The following ESYT1 variants were observed in gnomAD, a reference collection of about 807,000 sequenced individuals.
The protein encoded by ESYT1 is extended synaptotagmin-1.
A neutral mutation model predicts 154.2 loss-of-function variants in ESYT1; 116 were observed. That is an observed-to-expected ratio of 0.75 (90% CI 0.65 to 0.88). ESYT1 has a LOEUF of 0.88. ESYT1 is among the 40% of genes least tolerant of loss of function. The pLI is 0.00. For missense variants in ESYT1, 1,264 were observed against 1,379.3 expected (o/e 0.92, Z 1.32); for synonymous variants, 500 against 539.9 (o/e 0.93, Z 1.02).
intron 21 of ESYT1, 51 bp from the exon 22 acceptor site, chr12:56,138,353 A>C: frequency 6.2e-7 from 1 of 1,611,722 alleles, no homozygotes; most frequent in South Asian, 1.1e-5. Flanking sequence ...GGCACATGCC[A>C]GAACCCAAGG....
At position 56,131,394 on chromosome 12, in the gene ESYT1, G is replaced by A. The variant is rs915244294; in HGVS notation, c.714+78G>A. 3.6e-5 allele frequency: 58 copies of A among 1,610,368 alleles called. 2 individuals are homozygous for A. In the South Asian group the frequency reaches 6.4e-4, roughly 18 times the overall value. On this transcript the variant is annotated intron_variant, in intron 5 of 30. Coordinates refer to ENST00000394048, the MANE Select transcript of ESYT1 (RefSeq NM_015292.3). ...TGGGATATGGGGAAGTGTGAGGTTG[G>A]AAAGACCAAGGCTGAGAAAGTCTGG...
At chr12:56,143,203 C>T (rs745682583) in intron 28 of ESYT1, 25 bp from the exon 29 acceptor site, 3 of 1,614,102 alleles carry the variant, frequency 1.9e-6, no homozygotes, top group South Asian at 1.1e-5. Flanking sequence ...GGACTCCTGG[C>T]CCCTAACATC....
intron 13 of ESYT1, 118 bp downstream of exon 13, chr12:56,133,991 T>G: frequency 6.5e-7 from 1 of 1,532,864 alleles, no homozygotes; most frequent in Non-Finnish European, 9.0e-7. Context: ...AACATAAGGG[T>G]CCCAGGGAGG....
Position 56,144,145 on chromosome 12 carries a change from A to G in ESYT1, c.*283A>G. On this transcript the variant is annotated 3_prime_UTR_variant, in exon 31 of 31. Transcript: ENST00000394048. ...TGTTCTCCCTTCCTCCCAACTCCTC[A>G]GGGCCTTCTGTATCTGTGCCTGGCC... The G allele has an allele frequency of 7.3e-7, 1 of 1,368,334 alleles. No individual in the cohort carries two copies. The highest frequency in any genetic ancestry group is 9.4e-7 in the Non-Finnish European group (1 of 1,059,356). The allele number at this position is 1,368,334 out of a possible 1,614,324, so 84.8% of individuals were successfully genotyped here.
intron 16 of ESYT1, 141 bp downstream of exon 16, chr12:56,137,034 ATCTGAC>A (rs1870487303): frequency 7.7e-7 from 1 of 1,303,146 alleles, no homozygotes; most frequent in Non-Finnish European, 1.1e-6. Flanking sequence ...ACATATATTG[ATCTGAC>A]TGGTGGAAGG....
At chr12:56,133,381 C>T in intron 10 of ESYT1, 36 bp from the exon 11 acceptor site, 1 of 1,613,824 alleles carries the variant, frequency 6.2e-7, no homozygotes, top group African/African-American at 1.3e-5. Flanking sequence ...CTACCCTTTT[C>T]TTCCTTTCAC....
At chr12:56,141,599 G>A (rs1870695402) in intron 24 of ESYT1, among the ~76,000 whole-genome samples, 1 of 152,188 alleles carries the variant, frequency 6.6e-6, no homozygotes, top group Admixed American at 6.5e-5. Context: ...AATTAGCCGG[G>A]TGTGGTGGCG....
chr12:56,137,471 A>G lies in ESYT1; in HGVS notation c.1939-28A>G, dbSNP rs555948034. 38 of 1,608,694 alleles carry G rather than the reference A, an allele frequency of 2.4e-5. No individual in the cohort carries two copies. The South Asian group carries it at 4.1e-4, about 17-fold the overall frequency. Reference sequence around the variant, plus strand: ...TCTGACAGGTCTCTCTCCCTTTGCCATCTGGCACCCCCCCGTCCCTTTTGC... The same window carrying G: ...TCTGACAGGTCTCTCTCCCTTTGCCGTCTGGCACCCCCCCGTCCCTTTTGC... On this transcript the variant is annotated intron_variant, in intron 17 of 30. Transcript: ENST00000394048.
chr12:56,138,402 A>G lies in ESYT1; in HGVS notation c.2338-2A>G. 2 of 1,613,336 alleles carry G rather than the reference A, an allele frequency of 1.2e-6. No homozygotes were observed. The highest frequency in any genetic ancestry group is 1.7e-6 in the Non-Finnish European group (2 of 1,179,626). On this transcript the variant is annotated splice_acceptor_variant, in intron 21 of 30. Coordinates refer to ENST00000394048, the MANE Select transcript of ESYT1 (RefSeq NM_015292.3). LOFTEE classifies it high-confidence loss of function. ...TCCCCAGCCCCGTGTGCCCCTCCAC[A>G]GGTGCTGCAGGTGAATAGTTTGATC...
intron 12 of ESYT1, 35 bp from the exon 13 acceptor site, chr12:56,133,746 G>C (rs907917056): frequency 6.2e-7 from 1 of 1,613,112 alleles, no homozygotes; most frequent in Non-Finnish European, 8.5e-7. Flanking sequence ...ACTTGGAACG[G>C]GGACCAAGAT....
In ESYT1 at chr12:56,130,755, C is replaced by T. The variant is rs900831266; in HGVS notation, c.433-36C>T. The T allele has an allele frequency of 1.9e-6, 3 of 1,613,370 alleles. No individual in the cohort carries two copies. The Admixed American group carries it at 5.0e-5, about 27-fold the overall frequency. ...AAGGAACTTGCCTTGAGAGGGAAGA[C>T]TGGACTCTCCTCTGACCATCTCTCT... On this transcript the variant is annotated intron_variant, in intron 2 of 30. Coordinates refer to ENST00000394048, the MANE Select transcript of ESYT1 (RefSeq NM_015292.3).
chr12:56,133,537 G>T (rs1392039262), intron 11 of ESYT1, 51 bp from the exon 12 acceptor site: 1 of 1,612,948 alleles, frequency 6.2e-7, no homozygotes, highest in African/African-American at 1.3e-5. Flanking sequence ...ACATTGGTAG[G>T]GAAGTAGTTG....
chr12:56,143,902 CTTCGTCTCG>C lies in ESYT1; in HGVS notation c.*41_*49del, dbSNP rs755053123. 3.1e-6 allele frequency: 5 copies of C among 1,612,900 alleles called. No homozygotes were observed. The African/African-American group carries it at 6.7e-5, about 22-fold the overall frequency. On this transcript the variant is annotated 3_prime_UTR_variant, in exon 31 of 31. Coordinates refer to ENST00000394048, the MANE Select transcript of ESYT1 (RefSeq NM_015292.3). ...CAGCCTGACTGCTCTGTCTTCCTGCCTTCGTCTCGCTCCATCACCGCCTCAATGTGATGA... is the reference window on the plus strand; with the variant it reads ...CAGCCTGACTGCTCTGTCTTCCTGCCCTCCATCACCGCCTCAATGTGATGA...
At position 56,131,080 on chromosome 12, in the gene ESYT1, G is replaced by A. The variant is rs767688557; in HGVS notation, c.608G>A (p.Arg203Lys). Reference sequence around the variant, plus strand: ...GGAGTCAAGGTTCACCCAGGTCAGAGAAAAGAGCAGATCCTGCTGGACTTG... The same window carrying A: ...GGAGTCAAGGTTCACCCAGGTCAGAAAAAAGAGCAGATCCTGCTGGACTTG... ...IIGVKVHPGQ[R>K]KEQILLDLNI... Residue 203 changes from arginine to lysine, a missense_variant, in exon 4 of 31, where the codon AGA becomes AAA. Transcript: ENST00000394048. The A allele has an allele frequency of 1.2e-5, 20 of 1,614,046 alleles. No homozygotes were observed. The highest frequency in any genetic ancestry group is 4.0e-5 in the African/African-American group (3 of 74,914).
In ESYT1 at chr12:56,132,215, C is replaced by G. The variant is rs773237184; in HGVS notation, c.867C>G (p.Leu289=). ...NLLDIPGLSS[L]SDTMIMDSIA... is the part of the protein sequence containing the mutation. ...TTTCTACTCCCCCATTCAGCTCACT[C>G]TCTGACACCATGATCATGGACTCCA... Residue 289 remains leucine (L), a synonymous_variant, in exon 8 of 31, where the codon CTC becomes CTG. Transcript: ENST00000394048. 1.2e-6 allele frequency: 2 copies of G among 1,614,178 alleles called. No individual in the cohort carries two copies. The highest frequency in any genetic ancestry group is 3.3e-5 in the Admixed American group (2 of 60,024).
At chr12:56,130,980 G>C (rs531274355) in intron 3 of ESYT1, 55 bp downstream of exon 3, 1 of 1,614,138 alleles carries the variant, frequency 6.2e-7, no homozygotes, top group South Asian at 1.1e-5. Flanking sequence ...GAGTGGCCCG[G>C]AGTAGACTCA....
In ESYT1 at chr12:56,137,495, G is replaced by A; in HGVS notation, c.1939-4G>A. The A allele has an allele frequency of 6.2e-7, 1 of 1,610,760 alleles. No individual in the cohort carries two copies. The highest frequency in any genetic ancestry group is 8.5e-7 in the Non-Finnish European group (1 of 1,177,738). ...CATCTGGCACCCCCCCGTCCCTTTT[G>A]CAGCATGTGCTTCGGATCCATGTAT... On this transcript the variant is annotated splice_region_variant and splice_polypyrimidine_tract_variant and intron_variant, in intron 17 of 30. Transcript: ENST00000394048.
At chr12:56,136,655 G>A (rs1399891616) in intron 15 of ESYT1, 89 bp from the exon 16 acceptor site, 2 of 1,227,852 alleles carry the variant, frequency 1.6e-6, no homozygotes, top group Non-Finnish European at 2.2e-6. Flanking sequence ...GTACAGAGAG[G>A]AATGAAGTTG....
In ESYT1 at chr12:56,131,734, G is replaced by T; in HGVS notation, c.805-15G>T. The T allele has an allele frequency of 6.2e-7, 1 of 1,613,850 alleles. No individual in the cohort carries two copies. The highest frequency in any genetic ancestry group is 1.3e-5 in the African/African-American group (1 of 74,952). ...CCCCATAGGATCTGTCCTGACCCCT[G>T]CTCTTTCCCTCCAGACCCTAGACAT... On this transcript the variant is annotated splice_polypyrimidine_tract_variant and intron_variant, in intron 6 of 30. Transcript: ENST00000394048.
Sources: allele counts gnomAD v4.1 joint callset (sites outside exome capture counted in the v4.1 genomes callset), GRCh38; gene constraint gnomAD v4.1.1; transcripts MANE v1.5; gene names NCBI Gene and HGNC (gene_info 2026-07-23, HGNC 2026-07-21).